The following EBF3 variants were observed in gnomAD, a reference collection of about 807,000 sequenced individuals.
EBF3 encodes transcription factor COE3.
Under a neutral mutation model 77.1 loss-of-function variants are expected in EBF3, and 18 were observed. The observed-to-expected ratio is 0.23, with a 90% CI of 0.16 to 0.35. The LOEUF is 0.35. Ranked by LOEUF, EBF3 falls within the 10% of genes least tolerant of loss-of-function variation. EBF3 has a pLI of 1.00. For synonymous variants in EBF3, 350 were observed against 343.5 expected, an observed-to-expected ratio of 1.02 and a Z score of -0.21; for missense variants, 558 against 860.0, an observed-to-expected ratio of 0.65 and a Z score of 4.39.
At chr10:129,902,247 T>TTA (rs35444019) in intron 6 of EBF3, among the ~76,000 whole-genome samples, 1 of 148,928 alleles carries the variant, frequency 6.7e-6, no homozygotes, top group Non-Finnish European at 1.5e-5. Context: ...TTTTTTTTTT[T>TTA]ACTATGTTTC....
In EBF3 at chr10:129,842,776, A is replaced by AAAAAAGG. The variant is rs1850175290; in HGVS notation, c.1194+354_1194+360dup. ...AAGACCCTGTCTAAAAAAAAAAAAA[A>AAAAAAGG]AAAAAGGGAGCAACATTTGCTGTGT... On this transcript the variant is annotated intron_variant, in intron 12 of 16. Coordinates refer to ENST00000440978, the MANE Select transcript of EBF3 (RefSeq NM_001375380.1). This position sits in a 1 kb window ranked among gnomAD's most constrained non-coding sequence, Gnocchi z 4.4. Among the ~76,000 whole-genome samples, 16 of 151,102 alleles carry AAAAAAGG rather than the reference A, an allele frequency of 1.1e-4. No homozygotes were observed. The South Asian group carries it at 3.4e-3, about 32-fold the overall frequency.
chr10:129,881,606 C>T (rs940934700), intron 6 of EBF3, among the ~76,000 whole-genome samples: 1 of 152,164 alleles, frequency 6.6e-6, no homozygotes, highest in Admixed American at 6.5e-5. Flanking sequence ...TTTCCTCTTT[C>T]GCGGTGCACA....
intron 6 of EBF3, among the ~76,000 whole-genome samples, chr10:129,888,191 C>T (rs1004875601): frequency 2.0e-5 from 3 of 152,208 alleles, no homozygotes; most frequent in South Asian, 2.1e-4. Context: ...ATTTTCCTGT[C>T]GGGGAGCAGC....
chr10:129,909,039 T>C (rs1037809464), intron 6 of EBF3, among the ~76,000 whole-genome samples: 11 of 152,252 alleles, frequency 7.2e-5, no homozygotes, highest in African/African-American at 2.4e-4. Flanking sequence ...TGCTGAAGGC[T>C]TTCCTTCTGA....
At chr10:129,916,305 C>T (rs1855883533) in intron 6 of EBF3, among the ~76,000 whole-genome samples, 2 of 152,330 alleles carry the variant, frequency 1.3e-5, no homozygotes, top group South Asian at 4.1e-4. Context: ...CACGGTTCCT[C>T]GTGAGCCTCA....
chr10:129,963,545 G>A lies in EBF3; in HGVS notation c.135-22C>T. The A allele has an allele frequency of 6.8e-7, 1 of 1,472,706 alleles. No homozygotes were observed. Among genetic ancestry groups the A allele is most frequent in the Non-Finnish European group, 9.0e-7 (1 of 1,105,286 alleles). The allele number at this position is 1,472,706 out of a possible 1,614,324, so 91.2% of individuals were successfully genotyped here. A position where few individuals can be genotyped will look rare whatever the true frequency, so the allele number is the denominator to read the frequency against. On this transcript the variant is annotated intron_variant, in intron 1 of 16. Coordinates refer to ENST00000440978, the MANE Select transcript of EBF3 (RefSeq NM_001375380.1). This position sits in a 1 kb window ranked among gnomAD's most constrained non-coding sequence, Gnocchi z 7.1. ...GCCGCTGCGGGAGGAAAGAGACAGC[G>A]GCCCGGTGAGGAGCGCGGCGCCGGC...
At chr10:129,843,050 C>T (rs1296141227) in intron 12 of EBF3, 87 bp downstream of exon 12, 1 of 1,347,820 alleles carries the variant, frequency 7.4e-7, no homozygotes, top group Non-Finnish European at 1.0e-6. Context: ...TGCTTATGTC[C>T]AGAAAGCCCA....
Position 129,848,381 on chromosome 10 carries a change from C to T in EBF3, c.1128+11G>A. ...CACCATGAGCGGGGTGCCACTTGCT[C>T]TTTTACTAACCTTGGGTAACCTTTC... On this transcript the variant is annotated intron_variant, in intron 11 of 16. Coordinates refer to ENST00000440978, the MANE Select transcript of EBF3 (RefSeq NM_001375380.1). This position sits in a 1 kb window ranked among gnomAD's most constrained non-coding sequence, Gnocchi z 4.4. The T allele has an allele frequency of 6.2e-7, 1 of 1,614,088 alleles. No homozygotes were observed. Among genetic ancestry groups the T allele is most frequent in the East Asian group, 2.2e-5 (1 of 44,860 alleles).
At chr10:129,930,674 C>T (rs1048219254) in intron 6 of EBF3, among the ~76,000 whole-genome samples, 42 of 87,618 alleles carry the variant, frequency 4.8e-4, no homozygotes, top group Admixed American at 1.1e-3. Flanking sequence ...TATATCTATA[C>T]CTGTCTATAT....
intron 6 of EBF3, among the ~76,000 whole-genome samples, chr10:129,915,322 T>C (rs920560826): frequency 1.3e-5 from 2 of 152,144 alleles, no homozygotes; most frequent in African/African-American, 4.8e-5. Context: ...GGGTTCCTCT[T>C]GTTGGCATCT....
intron 6 of EBF3, among the ~76,000 whole-genome samples, chr10:129,920,312 G>A (rs1000762804): frequency 1.3e-4 from 19 of 143,934 alleles, no homozygotes; most frequent in Admixed American, 2.7e-4. Flanking sequence ...CCCGCTGTGC[G>A]GTCTAGGGCC....
chr10:129,892,423 G>A (rs554770577), intron 6 of EBF3, among the ~76,000 whole-genome samples: 17 of 152,328 alleles, frequency 1.1e-4, no homozygotes, highest in African/African-American at 2.9e-4. Flanking sequence ...GCTGTTTGGC[G>A]ATTTCCACTT....
Position 129,841,040 on chromosome 10 carries a change from A to G in EBF3, c.1373-8T>C. 8.4e-7 allele frequency: 1 copy of G among 1,194,100 alleles called. No homozygotes were observed. The highest frequency in any genetic ancestry group is 2.4e-5 in the Admixed American group (1 of 42,348). The allele number at this position is 1,194,100 out of a possible 1,614,324, so 74.0% of individuals were successfully genotyped here. A position where few individuals can be genotyped will look rare whatever the true frequency, so the allele number is the denominator to read the frequency against. ...TATTGCGACTGTAGCCGACTGTTGA[A>G]ATCCCCCCCCCGGCCAAAAATAACA... On this transcript the variant is annotated splice_region_variant and splice_polypyrimidine_tract_variant and intron_variant, in intron 13 of 16. Coordinates refer to ENST00000440978, the MANE Select transcript of EBF3 (RefSeq NM_001375380.1). This position sits in a 1 kb window ranked among gnomAD's most constrained non-coding sequence, Gnocchi z 4.6.
At chr10:129,925,591 CAAAAAA>C (rs11368338) in intron 6 of EBF3, among the ~76,000 whole-genome samples, 1 of 114,580 alleles carries the variant, frequency 8.7e-6, no homozygotes. Context: ...GACTCCATCT[CAAAAAA>C]AAAAAAAAAA....
At chr10:129,843,054 A>T (rs1463041172) in intron 12 of EBF3, 83 bp downstream of exon 12, 2 of 1,375,832 alleles carry the variant, frequency 1.5e-6, no homozygotes, top group South Asian at 1.2e-5. Flanking sequence ...TATGTCCAGA[A>T]AGCCCACACT....
rs1411247766 is a variant in EBF3, at chr10:129,906,255, A to G, written c.555-28406T>C. Among the ~76,000 whole-genome samples, 5 of 152,364 alleles carry G rather than the reference A, an allele frequency of 3.3e-5. No homozygotes were observed. In the East Asian group the frequency reaches 7.7e-4, roughly 23 times the overall value. The stretch of plus-strand genomic sequence containing the variant: ...TGTTTTGTATTTGATTTTTGTGTTA[A>G]ATTTATTACTGCCAAGAAGAGCTCT... On this transcript the variant is annotated intron_variant, in intron 6 of 16. Coordinates refer to ENST00000440978, the MANE Select transcript of EBF3 (RefSeq NM_001375380.1).
At chr10:129,962,639 T>C (rs78885423) in intron 3 of EBF3, among the ~76,000 whole-genome samples, 4,676 of 152,246 alleles carry the variant, frequency 0.031, 125 homozygotes, top group Non-Finnish European at 0.045. Flanking sequence ...GCTCCGTTTA[T>C]GGAGTTACCC....
At chr10:129,868,394 C>G (rs890672993) in intron 8 of EBF3, among the ~76,000 whole-genome samples, 3 of 152,212 alleles carry the variant, frequency 2.0e-5, no homozygotes, top group Non-Finnish European at 4.4e-5. Flanking sequence ...TCTGTCACTC[C>G]ACAATTACTA....
chr10:129,914,770 G>A (rs1855759197), intron 6 of EBF3, among the ~76,000 whole-genome samples: 1 of 152,144 alleles, frequency 6.6e-6, no homozygotes, highest in South Asian at 2.1e-4. Flanking sequence ...GGCTTCAGCT[G>A]CCCCGGCCAC....
Sources: allele counts gnomAD v4.1 joint callset (sites outside exome capture counted in the v4.1 genomes callset), GRCh38; gene constraint gnomAD v4.1.1; non-coding constraint Gnocchi (gnomAD v3.1); transcripts MANE v1.5; gene names NCBI Gene and HGNC (gene_info 2026-07-23, HGNC 2026-07-21).